The following MYLK variants were observed in gnomAD, a reference collection of about 807,000 sequenced individuals.
MYLK encodes the protein myosin light chain kinase, smooth muscle.
A neutral mutation model predicts 203.4 loss-of-function variants in MYLK; 106 were observed. The ratio of observed to expected loss-of-function variants is 0.52; its 90% CI spans 0.45 to 0.61. The LOEUF is 0.61. Among genes scored for constraint, MYLK ranks in the 20% least tolerant of loss-of-function variants. MYLK has a pLI of 0.00. For missense variants in MYLK, 2,072 were observed against 2,442.3 expected (o/e 0.85, Z 3.20); for synonymous variants, 867 against 959.5 (o/e 0.90, Z 1.78).
chr3:123,866,162 A>T (rs2032312921), intron 2 of MYLK, among the ~76,000 whole-genome samples: 1 of 152,198 alleles, frequency 6.6e-6, no homozygotes, highest in African/African-American at 2.4e-5. Context: ...ACAGAACCCC[A>T]GAGCATAACA....
At chr3:123,755,151 A>G (rs2108894763) in intron 4 of MYLK, among the ~76,000 whole-genome samples, 1 of 152,322 alleles carries the variant, frequency 6.6e-6, no homozygotes, top group South Asian at 2.1e-4. Context: ...CCAGGCTTCT[A>G]TCAGCTTCAG....
intron 5 of MYLK, among the ~76,000 whole-genome samples, chr3:123,745,043 G>A (rs768606674): frequency 3.9e-5 from 6 of 152,110 alleles, no homozygotes; most frequent in Non-Finnish European, 7.4e-5. Flanking sequence ...TTTGTGCAGA[G>A]TAAATTTTTC....
chr3:123,835,086 G>A (rs1232457338), intron 2 of MYLK, among the ~76,000 whole-genome samples: 1 of 152,186 alleles, frequency 6.6e-6, no homozygotes, highest in African/African-American at 2.4e-5. Flanking sequence ...ATCCATCATA[G>A]GAGAAACTAT....
At chr3:123,845,606 G>A (rs780129359) in intron 2 of MYLK, among the ~76,000 whole-genome samples, 12 of 152,086 alleles carry the variant, frequency 7.9e-5, no homozygotes, top group South Asian at 2.1e-4. Context: ...TCCATCTGCC[G>A]TAGCCTCCCA....
chr3:123,760,576 A>G, intron 4 of MYLK, among the ~76,000 whole-genome samples: 1 of 150,958 alleles, frequency 6.6e-6, no homozygotes, highest in East Asian at 1.9e-4. Context: ...AAAGTCAACA[A>G]TTTTTTTTTT....
intron 29 of MYLK, among the ~76,000 whole-genome samples, chr3:123,637,246 G>T (rs576356480): frequency 3.9e-5 from 6 of 152,294 alleles, no homozygotes; most frequent in East Asian, 1.9e-4. Flanking sequence ...GGGCTTCAGG[G>T]ACTAAAGCAG....
chr3:123,833,372 TTTAGGGATACCTATTGCTTC>T (rs939997044), intron 2 of MYLK, among the ~76,000 whole-genome samples: 1 of 152,128 alleles, frequency 6.6e-6, no homozygotes, highest in Non-Finnish European at 1.5e-5. Context: ...CTGGTGAAGG[TTTAGGGATACCTATTGCTTC>T]TTAGTTCCTT....
At chr3:123,708,101 T>A in intron 15 of MYLK, 98 bp from the exon 16 acceptor site, 2 of 1,530,440 alleles carry the variant, frequency 1.3e-6, no homozygotes, top group South Asian at 2.4e-5. Context: ...AGATAGCATG[T>A]CACCCAAGTA....
At chr3:123,832,546 T>C (rs1368471037) in intron 2 of MYLK, among the ~76,000 whole-genome samples, 2 of 152,218 alleles carry the variant, frequency 1.3e-5, no homozygotes, top group African/African-American at 4.8e-5. Context: ...AAAATTTATG[T>C]TGAATCTTAA....
chr3:123,793,971 G>C (rs538231441), intron 3 of MYLK, 127 bp from the exon 4 acceptor site: 8 of 986,974 alleles, frequency 8.1e-6, no homozygotes, highest in Non-Finnish European at 1.2e-5. Context: ...AGTTAGGTCA[G>C]TGTCCACCCA....
At chr3:123,667,262 C>A (rs1050148085) in intron 20 of MYLK, 75 bp from the exon 21 acceptor site, 18 of 1,419,464 alleles carry the variant, frequency 1.3e-5, no homozygotes, top group Non-Finnish European at 1.8e-5. Flanking sequence ...TAGGAAGATG[C>A]AGTCTTGTCC....
chr3:123,736,426 C>T (rs2062675377), intron 8 of MYLK, among the ~76,000 whole-genome samples: 1 of 152,112 alleles, frequency 6.6e-6, no homozygotes, highest in African/African-American at 2.4e-5. Context: ...AAAGCCACTT[C>T]CCTTCCTGAC....
At position 123,806,443 on chromosome 3, in the gene MYLK, T is replaced by A. The variant is rs548093752; in HGVS notation, c.-3-12599A>T. Among the ~76,000 whole-genome samples the A allele has an allele frequency of 6.3e-4, 96 of 152,216 alleles. 3 individuals are homozygous for A. In the South Asian group the frequency reaches 0.019, roughly 29 times the overall value. On this transcript the variant is annotated intron_variant, in intron 3 of 33. Transcript: ENST00000360304. ...TGCCTGTATATAAGAGCAAGGAAAC[T>A]CATCTGGTAAAGAGATGGGTCAAGA...
chr3:123,743,700 T>A (rs1259268098), intron 5 of MYLK, among the ~76,000 whole-genome samples: 1 of 152,110 alleles, frequency 6.6e-6, no homozygotes, highest in African/African-American at 2.4e-5. Context: ...TAAAAGAGAA[T>A]GCTGGCAGGT....
At chr3:123,725,327 C>T (rs530519988) in intron 12 of MYLK, among the ~76,000 whole-genome samples, 24 of 152,264 alleles carry the variant, frequency 1.6e-4, no homozygotes, top group African/African-American at 5.3e-4. Context: ...TTCTCCCACA[C>T]TGTTGAAATT....
chr3:123,765,945 G>T (rs2063688493), intron 4 of MYLK, among the ~76,000 whole-genome samples: 1 of 152,176 alleles, frequency 6.6e-6, no homozygotes, highest in Non-Finnish European at 1.5e-5. Flanking sequence ...TTGTTTAATG[G>T]GTGGGAACTT....
chr3:123,744,717 T>C (rs1379200074), intron 5 of MYLK, among the ~76,000 whole-genome samples: 1 of 152,148 alleles, frequency 6.6e-6, no homozygotes, highest in Non-Finnish European at 1.5e-5. Flanking sequence ...CAAGAGACTA[T>C]AGAGAAGACA....
intron 20 of MYLK, among the ~76,000 whole-genome samples, chr3:123,674,787 T>C (rs1167947754): frequency 6.6e-6 from 1 of 152,262 alleles, no homozygotes; most frequent in Non-Finnish European, 1.5e-5. Flanking sequence ...GGATGGCTCT[T>C]GCATATTCTT....
chr3:123,676,361 G>A (rs1252210432), intron 20 of MYLK, among the ~76,000 whole-genome samples: 2 of 152,202 alleles, frequency 1.3e-5, no homozygotes, highest in African/African-American at 4.8e-5. Context: ...TGTCAGGCAA[G>A]TCTTGATGCC....
Sources: gnomAD v4.1 joint callset for allele counts (sites outside exome capture counted in the v4.1 genomes callset) on GRCh38, gnomAD v4.1.1 for gene constraint, MANE v1.5 for transcripts, NCBI Gene and HGNC (gene_info 2026-07-23, HGNC 2026-07-21) for gene names.